IQSEC1: variants seen among roughly 807,000 people sequenced by gnomAD.
IQSEC1 encodes the protein IQ motif and Sec7 domain ArfGEF 1.
A neutral mutation model predicts 91.0 loss-of-function variants in IQSEC1; 31 were observed. The observed-to-expected ratio is 0.34, with a 90% CI of 0.26 to 0.46. The LOEUF (loss-of-function observed/expected upper bound fraction) is 0.46, where lower values mean the gene tolerates loss of function less well. Among genes scored for constraint, IQSEC1 ranks in the 20% least tolerant of loss-of-function variants. The pLI is 1.00. For missense variants in IQSEC1, 1,388 were observed against 1,575.6 expected, an observed-to-expected ratio of 0.88 and a Z score of 2.02; for synonymous variants, 699 against 662.6, an observed-to-expected ratio of 1.05 and a Z score of -0.84.
At chr3:13,192,576 C>G (rs1559274274) in intron 1 of IQSEC1, among the ~76,000 whole-genome samples, 1 of 152,198 alleles carries the variant, frequency 6.6e-6, no homozygotes, top group East Asian at 1.9e-4. Context: ...GCCAGGACCA[C>G]CTGCCGTCCC....
Position 13,214,370 on chromosome 3 carries a change from C to T in IQSEC1, c.273-50237G>A, listed in dbSNP as rs1237427221. On this transcript the variant is annotated intron_variant, in intron 1 of 15. Transcript: ENST00000648114. The surrounding 1 kb of genome is among the most constrained non-coding windows in gnomAD (Gnocchi z 4.5). ...GGAGCTGCCCAGGCCGACTCCTCAC[C>T]CCGTCCCACAGCCAGCACAGGCAGG... Among the ~76,000 whole-genome samples the T allele has an allele frequency of 6.6e-6, 1 of 152,256 alleles. No individual in the cohort carries two copies. Among genetic ancestry groups the T allele is most frequent in the Admixed American group, 6.5e-5 (1 of 15,290 alleles).
At chr3:13,046,719 G>C (rs1704509851) in intron 1 of IQSEC1, among the ~76,000 whole-genome samples, 1 of 151,950 alleles carries the variant, frequency 6.6e-6, no homozygotes, top group South Asian at 2.1e-4. Flanking sequence ...CTCCCTTCCG[G>C]GACCACTTGT....
chr3:13,077,542 A>G (rs1431418186), upstream of IQSEC1, among the ~76,000 whole-genome samples: 1 of 152,220 alleles, frequency 6.6e-6, no homozygotes, highest in African/African-American at 2.4e-5. Flanking sequence ...GAATCTCTAA[A>G]CCACAGACTC....
chr3:12,979,952 G>C lies in IQSEC1; in HGVS notation c.24-38087C>G, dbSNP rs1701373117. Among the ~76,000 whole-genome samples the C allele has an allele frequency of 6.6e-6, 1 of 152,226 alleles. No individual in the cohort carries two copies. Among genetic ancestry groups the C allele is most frequent in the African/African-American group, 2.4e-5 (1 of 41,452 alleles). On this transcript the variant is annotated intron_variant, in intron 1 of 13. Coordinates refer to ENST00000613206, the MANE Select transcript of IQSEC1 (RefSeq NM_001134382.3). This position sits in a 1 kb window ranked among gnomAD's most constrained non-coding sequence, Gnocchi z 4.3. ...GAGAAATGATTTCCCGACTACCTGA[G>C]GTGGGGGAAGGCAGCCTGGTGCCAG...
chr3:13,137,585 C>T (rs1257104655), intron 2 of IQSEC1, among the ~76,000 whole-genome samples: 3 of 152,334 alleles, frequency 2.0e-5, no homozygotes, highest in East Asian at 1.9e-4. Flanking sequence ...CGCAAACACA[C>T]GGGTGCAAAT....
intron 1 of IQSEC1, among the ~76,000 whole-genome samples, chr3:13,032,724 C>G (rs1276004819): frequency 6.6e-6 from 1 of 152,116 alleles, no homozygotes; most frequent in East Asian, 1.9e-4. Context: ...GCTGGGACTA[C>G]AGGCGCCCGC....
rs975377771 is a variant in IQSEC1, at chr3:12,967,578, G to A, written c.24-25713C>T. The A allele has an allele frequency of 2.6e-5, 34 of 1,323,056 alleles. No individual in the cohort carries two copies. Among genetic ancestry groups the A allele is most frequent in the Non-Finnish European group, 6.7e-6 (7 of 1,043,324 alleles). 82.0% of individuals were successfully genotyped at this position (1,323,056 alleles called of 1,614,324 possible). ...CGGCCACCCGGAGACCCGACCACCC[G>A]CCACGCGATCACGTCGGGGCTCCTG... On this transcript the variant is annotated intron_variant, in intron 1 of 13. Transcript: ENST00000613206. The surrounding 1 kb of genome is among the most constrained non-coding windows in gnomAD (Gnocchi z 5.9).
chr3:13,144,021 A>C (rs1706843265), intron 2 of IQSEC1, among the ~76,000 whole-genome samples: 1 of 152,208 alleles, frequency 6.6e-6, no homozygotes, highest in African/African-American at 2.4e-5. Flanking sequence ...AGCTTCCAAC[A>C]AGAATCCTGG....
At chr3:13,114,839 C>T (rs922968995) in intron 2 of IQSEC1, among the ~76,000 whole-genome samples, 25 of 150,568 alleles carry the variant, frequency 1.7e-4, no homozygotes, top group Non-Finnish European at 3.2e-4. Context: ...CTTGGAAGGA[C>T]GATGGGTGAC....
At chr3:13,251,899 C>T (rs946086336) in intron 1 of IQSEC1, among the ~76,000 whole-genome samples, 1 of 152,126 alleles carries the variant, frequency 6.6e-6, no homozygotes, top group Non-Finnish European at 1.5e-5. Context: ...GCTGAGACTA[C>T]AAAGCCAAAG....
intron 1 of IQSEC1, among the ~76,000 whole-genome samples, chr3:13,172,018 C>T (rs931300652): frequency 2.6e-5 from 4 of 152,178 alleles, no homozygotes; most frequent in Non-Finnish European, 4.4e-5. Context: ...CAGTGCAGAG[C>T]GGTGAGTCTA....
In IQSEC1 at chr3:13,217,972, C is replaced by T. The variant is rs926987240; in HGVS notation, c.273-53839G>A. On this transcript the variant is annotated intron_variant, in intron 1 of 15. Coordinates refer to the IQSEC1 transcript ENST00000648114. ...GCTGGAAAGACCTGGGATGTAATGA[C>T]CTGACCTCTACACAGCACCCGAAGC... Among the ~76,000 whole-genome samples, 9 of 152,082 alleles carry T rather than the reference C, an allele frequency of 5.9e-5. No homozygotes were observed. The East Asian group carries it at 1.5e-3, about 26-fold the overall frequency.
rs143657363 is a variant in IQSEC1, at chr3:13,011,069, C to CT, written c.23+61922dup. Among the ~76,000 whole-genome samples, 81 of 150,672 alleles carry CT rather than the reference C, an allele frequency of 5.4e-4. 2 individuals are homozygous for CT. In the South Asian group the frequency reaches 0.011, roughly 20 times the overall value. On this transcript the variant is annotated intron_variant, in intron 1 of 13. Transcript: ENST00000613206. Reference sequence around the variant, plus strand: ...GCTTATTTCCCCAGAGTGAAATTCACTTTTTTTTTTCTTTTTCCTCTTCAA... The same window carrying CT: ...GCTTATTTCCCCAGAGTGAAATTCACTTTTTTTTTTTCTTTTTCCTCTTCAA...
intron 1 of IQSEC1, among the ~76,000 whole-genome samples, chr3:13,218,814 T>G (rs1284479941): frequency 6.6e-6 from 1 of 152,106 alleles, no homozygotes; most frequent in Admixed American, 6.5e-5. Flanking sequence ...TCAGCATGAC[T>G]TCTCTGGCAG....
At chr3:12,975,111 C>CCCATGACTG (rs1350777090) in intron 1 of IQSEC1, among the ~76,000 whole-genome samples, 3 of 152,250 alleles carry the variant, frequency 2.0e-5, no homozygotes, top group Non-Finnish European at 4.4e-5. Context: ...GGCAATGACA[C>CCCATGACTG]CCATGACTGC....
At chr3:12,977,728 G>A (rs1210917383) in intron 1 of IQSEC1, among the ~76,000 whole-genome samples, 2 of 152,160 alleles carry the variant, frequency 1.3e-5, no homozygotes, top group Non-Finnish European at 2.9e-5. Flanking sequence ...CACCTGTTTT[G>A]TAAATGGATG....
At chr3:13,179,807 G>A (rs9869414) in intron 1 of IQSEC1, among the ~76,000 whole-genome samples, 2,578 of 152,370 alleles carry the variant, frequency 0.017, 81 homozygotes, top group African/African-American at 0.059. Context: ...GGGCCAGCGC[G>A]AGTTCCGGGT....
At chr3:13,208,828 C>T (rs531031538) in intron 1 of IQSEC1, among the ~76,000 whole-genome samples, 1 of 152,350 alleles carries the variant, frequency 6.6e-6, no homozygotes, top group African/African-American at 2.4e-5. Flanking sequence ...GAGCTCGCAG[C>T]ATGCACCCCT....
intron 1 of IQSEC1, among the ~76,000 whole-genome samples, chr3:12,942,839 C>T (rs957923172): frequency 3.3e-5 from 5 of 152,166 alleles, no homozygotes; most frequent in Admixed American, 1.3e-4. Flanking sequence ...GATGAGGCCA[C>T]GGACGCGCAC....
Sources: gnomAD v4.1 joint callset for allele counts (sites outside exome capture counted in the v4.1 genomes callset) on GRCh38, gnomAD v4.1.1 for gene constraint, Gnocchi (gnomAD v3.1) non-coding constraint, MANE v1.5 for transcripts, NCBI Gene and HGNC (gene_info 2026-07-23, HGNC 2026-07-21) for gene names.